TMEM266: variants seen among roughly 807,000 people sequenced by gnomAD.
TMEM266 encodes the protein Hv1 related protein 1.
TMEM266 carries 33 observed loss-of-function variants against 50.5 expected under a neutral mutation model. That is an observed-to-expected ratio of 0.65 (90% confidence interval 0.50 to 0.87). The LOEUF is 0.87. Ranked by LOEUF, TMEM266 falls within the 40% of genes least tolerant of loss-of-function variation. The pLI is 0.00. For missense variants in TMEM266, 655 were observed against 695.1 expected (o/e 0.94, Z 0.65); for synonymous variants, 310 against 292.3 (o/e 1.06, Z -0.62).
intron 1 of TMEM266, among the ~76,000 whole-genome samples, chr15:76,073,363 G>A (rs1416672856): frequency 6.6e-6 from 1 of 151,690 alleles, no homozygotes; most frequent in Non-Finnish European, 1.5e-5. Flanking sequence ...CTCCTGAGTA[G>A]CTGGGATTAC....
intron 8 of TMEM266, among the ~76,000 whole-genome samples, chr15:76,184,325 C>T (rs2038463797): frequency 1.3e-5 from 2 of 152,296 alleles, no homozygotes; most frequent in South Asian, 4.1e-4. Context: ...CTGATAAAAT[C>T]AGCCATCAGA....
At chr15:76,198,938 G>A (rs2142089242) in intron 9 of TMEM266, among the ~76,000 whole-genome samples, 1 of 86,606 alleles carries the variant, frequency 1.2e-5, no homozygotes, top group African/African-American at 3.2e-5. Context: ...GAGGGAGTAG[G>A]GACAGGGAGA....
rs1233760238 is a variant in TMEM266 at position 76,160,450 on chromosome 15, G to A, written c.456+282G>A. 6.6e-6 allele frequency among the ~76,000 whole-genome samples: 1 copy of A among 152,244 alleles called. No individual in the cohort carries two copies. The highest frequency in any genetic ancestry group is 1.9e-4 in the East Asian group (1 of 5,198). On this transcript the variant is annotated intron_variant, in intron 5 of 10. Transcript: ENST00000388942. This position sits in a 1 kb window ranked among gnomAD's most constrained non-coding sequence, Gnocchi z 5.7. ...TGAGGGGTGGGCGATGACTGGTGAA[G>A]GTGAGACTGAATGTGGCGTCGAGGG...
At chr15:76,097,686 C>G (rs1333315172) in intron 1 of TMEM266, among the ~76,000 whole-genome samples, 1 of 152,028 alleles carries the variant, frequency 6.6e-6, no homozygotes, top group African/African-American at 2.4e-5. Context: ...AGATAATATC[C>G]TGAAGAGTGT....
At position 76,160,311 on chromosome 15, in the gene TMEM266, T is replaced by A; in HGVS notation, c.456+143T>A. 1.1e-6 allele frequency: 1 copy of A among 869,998 alleles called. No individual in the cohort carries two copies. The highest frequency in any genetic ancestry group is 1.9e-6 in the Non-Finnish European group (1 of 540,170). The allele number at this position is 869,998 out of a possible 1,614,324, so 53.9% of individuals were successfully genotyped here. A position where few individuals can be genotyped will look rare whatever the true frequency, so the allele number is the denominator to read the frequency against. The stretch of plus-strand genomic sequence containing the variant: ...TGCTGGGAGGGAGACACAATATAGA[T>A]AGATGATCTCTGCGGGGGGAAGTGG... On this transcript the variant is annotated intron_variant, in intron 5 of 10. Coordinates refer to ENST00000388942, the MANE Select transcript of TMEM266 (RefSeq NM_152335.3). This position sits in a 1 kb window ranked among gnomAD's most constrained non-coding sequence, Gnocchi z 5.7.
chr15:76,156,559 C>A (rs371867244), intron 3 of TMEM266, 45 bp from the exon 4 acceptor site: 20 of 1,603,556 alleles, frequency 1.2e-5, no homozygotes, highest in African/African-American at 4.0e-5. Flanking sequence ...CCCTCTTGTC[C>A]CCTCCCACTC....
chr15:76,109,476 A>G (rs1165994634), intron 1 of TMEM266, among the ~76,000 whole-genome samples: 2 of 152,216 alleles, frequency 1.3e-5, no homozygotes, highest in Non-Finnish European at 2.9e-5. Context: ...ATGCTTGGCA[A>G]TGATTACACA....
At chr15:76,087,892 T>C (rs1216287150) in intron 1 of TMEM266, among the ~76,000 whole-genome samples, 1 of 152,214 alleles carries the variant, frequency 6.6e-6, no homozygotes, top group Non-Finnish European at 1.5e-5. Flanking sequence ...CAGCAGCTCC[T>C]TTCTCAGGCT....
At chr15:76,151,800 C>T (rs527421205) in intron 3 of TMEM266, among the ~76,000 whole-genome samples, 4 of 152,272 alleles carry the variant, frequency 2.6e-5, no homozygotes, top group South Asian at 4.2e-4. Context: ...TCAGCAAGCA[C>T]GGGGAAGGGC....
At chr15:76,124,349 C>G (rs1011565760) in intron 1 of TMEM266, among the ~76,000 whole-genome samples, 1 of 152,148 alleles carries the variant, frequency 6.6e-6, no homozygotes, top group Non-Finnish European at 1.5e-5. Context: ...CTTGGGTTCT[C>G]TGTACACTGA....
chr15:76,076,369 C>G (rs2036608329), intron 1 of TMEM266, among the ~76,000 whole-genome samples: 1 of 152,078 alleles, frequency 6.6e-6, no homozygotes, highest in African/African-American at 2.4e-5. Flanking sequence ...AAATACACTC[C>G]TTCTCTTGGA....
rs2038262091 is a variant in TMEM266, at chr15:76,175,605, G to A, written c.699G>A (p.Gln233=). The A allele has an allele frequency of 1.2e-6, 2 of 1,614,096 alleles. No homozygotes were observed. Among genetic ancestry groups the A allele is most frequent in the African/African-American group, 1.3e-5 (1 of 74,948 alleles). Residue 233 remains glutamine (Q), a synonymous_variant, in exon 8 of 11, where the codon CAG becomes CAA. Transcript: ENST00000388942. ...TGGAGATGGAGATGGTTATCCAGCA[G>A]TACGAGAAGGCCAAGGTCATCCAAG... ...IQQYEKAKVI[Q]DEQLERLTQI...
At chr15:76,076,603 C>G (rs2036611089) in intron 1 of TMEM266, among the ~76,000 whole-genome samples, 1 of 152,028 alleles carries the variant, frequency 6.6e-6, no homozygotes. Flanking sequence ...GAAGAGTTTA[C>G]CAATTCCTAG....
chr15:76,088,932 A>G (rs1159661074), intron 1 of TMEM266, among the ~76,000 whole-genome samples: 15 of 151,356 alleles, frequency 9.9e-5, no homozygotes, highest in Admixed American at 9.9e-4. Context: ...CGTCTCTACT[A>G]AAAATACAAA....
chr15:76,167,739 G>A (rs548699824), intron 5 of TMEM266, among the ~76,000 whole-genome samples: 4 of 152,122 alleles, frequency 2.6e-5, no homozygotes, highest in African/African-American at 4.8e-5. Context: ...GACCTCAAGC[G>A]ATCTGCCCGC....
chr15:76,157,419 T>C (rs1397735421), intron 4 of TMEM266, among the ~76,000 whole-genome samples: 1 of 152,226 alleles, frequency 6.6e-6, no homozygotes, highest in Non-Finnish European at 1.5e-5. Flanking sequence ...GTCATTTAAC[T>C]GCTTGGCCAG....
intron 9 of TMEM266, among the ~76,000 whole-genome samples, chr15:76,197,203 C>A (rs1183554007): frequency 1.3e-5 from 2 of 152,210 alleles, no homozygotes; most frequent in African/African-American, 4.8e-5. Flanking sequence ...TTCCACTGGC[C>A]TCTAAATGTG....
chr15:76,080,093 G>A (rs1477924610), intron 1 of TMEM266, among the ~76,000 whole-genome samples: 3 of 151,024 alleles, frequency 2.0e-5, no homozygotes, highest in Non-Finnish European at 3.0e-5. Flanking sequence ...TCGGCCAGGC[G>A]TGGTTGCTCA....
intron 3 of TMEM266, among the ~76,000 whole-genome samples, chr15:76,150,303 AG>A (rs2037818537): frequency 1.3e-5 from 2 of 152,158 alleles, no homozygotes; most frequent in African/African-American, 4.8e-5. Flanking sequence ...GGGGAAGCCC[AG>A]GGCCCCAGGC....
Sources: gnomAD v4.1 joint callset for allele counts (sites outside exome capture counted in the v4.1 genomes callset) on GRCh38, gnomAD v4.1.1 for gene constraint, Gnocchi (gnomAD v3.1) non-coding constraint, MANE v1.5 for transcripts, NCBI Gene and HGNC (gene_info 2026-07-23, HGNC 2026-07-21) for gene names.